Variants in ZSCAN26 observed in about 807,000 individuals in gnomAD.
ZSCAN26 encodes the protein zinc finger and SCAN domain containing 26.
In ZSCAN26, 26 loss-of-function variants were observed where a neutral mutation model predicts 23.0. That is an observed-to-expected ratio of 1.13 (90% CI 0.83 to 1.57). The LOEUF (loss-of-function observed/expected upper bound fraction) is 1.57, where lower values mean the gene tolerates loss of function less well. ZSCAN26 is among the 40% of genes most tolerant of loss of function. ZSCAN26 has a pLI of 0.00. For missense variants in ZSCAN26, 528 were observed against 568.5 expected (o/e 0.93, Z 0.72); for synonymous variants, 180 against 202.5 (o/e 0.89, Z 0.94).
intron 1 of ZSCAN26, among the ~76,000 whole-genome samples, chr6:28,269,764 A>G (rs1761607102): frequency 6.6e-6 from 1 of 152,182 alleles, no homozygotes; most frequent in African/African-American, 2.4e-5. Context: ...GCCCACCAAC[A>G]TTATGGAGGG....
At chr6:28,267,717 T>C (rs1034567789) in intron 1 of ZSCAN26, among the ~76,000 whole-genome samples, 3 of 152,100 alleles carry the variant, frequency 2.0e-5, no homozygotes, top group African/African-American at 7.2e-5. Flanking sequence ...ATGAGAACTG[T>C]ATCGTGTAAG....
At chr6:28,268,777 A>T (rs1761554151) in intron 1 of ZSCAN26, among the ~76,000 whole-genome samples, 1 of 152,164 alleles carries the variant, frequency 6.6e-6, no homozygotes, top group Admixed American at 6.5e-5. Context: ...ATTGTGTTTG[A>T]TATATTTAAT....
intron 3 of ZSCAN26, 54 bp downstream of exon 3, chr6:28,272,841 C>G: frequency 2.0e-6 from 3 of 1,471,026 alleles, no homozygotes; most frequent in South Asian, 2.4e-5. Context: ...TGTGCCTTTC[C>G]CTCTGAGGTT....
chr6:28,270,258 A>C (rs1383262455), intron 1 of ZSCAN26, among the ~76,000 whole-genome samples: 1 of 152,218 alleles, frequency 6.6e-6, no homozygotes, highest in Non-Finnish European at 1.5e-5. Flanking sequence ...GGGAAATGTT[A>C]ACTATATACA....
intron 1 of ZSCAN26, 86 bp downstream of exon 1, chr6:28,267,299 G>A (rs897621980): frequency 1.3e-5 from 2 of 152,488 alleles, no homozygotes; most frequent in South Asian, 4.1e-4. Context: ...GGCGGGTGCA[G>A]AGAATCTTCC....
chr6:28,278,093 A>G lies in ZSCAN26; in HGVS notation c.*997A>G, dbSNP rs1762023273. 6.6e-6 allele frequency: 1 copy of G among 152,230 alleles called. No individual in the cohort carries two copies. The highest frequency in any genetic ancestry group is 2.4e-5 in the African/African-American group (1 of 41,460). The allele number at this position is 152,230 out of a possible 1,614,324, so 9.4% of individuals were successfully genotyped here. On this transcript the variant is annotated 3_prime_UTR_variant, in exon 4 of 4. Coordinates refer to ENST00000421553, the MANE Select transcript of ZSCAN26 (RefSeq NM_001023560.4). ...TATTAAAATTAGGGGCGTCCACTCC[A>G]AAACATATCACCAGAGTGACAACTT...
chr6:28,267,814 T>C (rs759620107), intron 1 of ZSCAN26, among the ~76,000 whole-genome samples: 26 of 152,186 alleles, frequency 1.7e-4, no homozygotes, highest in Non-Finnish European at 3.2e-4. Context: ...GCTTCTTTAC[T>C]TGGAGACTCA....
intron 1 of ZSCAN26, among the ~76,000 whole-genome samples, chr6:28,270,089 G>A (rs1326004723): frequency 1.3e-5 from 2 of 152,074 alleles, no homozygotes; most frequent in African/African-American, 2.4e-5. Flanking sequence ...GACTACAGGC[G>A]TGTGCCACCA....
intron 1 of ZSCAN26, among the ~76,000 whole-genome samples, chr6:28,271,568 G>A (rs1761685402): frequency 6.6e-6 from 1 of 152,156 alleles, no homozygotes; most frequent in Non-Finnish European, 1.5e-5. Flanking sequence ...GGCTTAAGCA[G>A]TCTTCCCACC....
At chr6:28,272,406 TG>T in intron 2 of ZSCAN26, 67 bp downstream of exon 2, 1 of 1,435,864 alleles carries the variant, frequency 7.0e-7, no homozygotes, top group Middle Eastern at 1.8e-4. Flanking sequence ...CAGGTGGACA[TG>T]GGCTCATCAG....
chr6:28,276,413 A>G lies in ZSCAN26; in HGVS notation c.757A>G (p.Thr253Ala). The change falls in exon 4 of 4, where the codon ACA (threonine) becomes GCA (alanine). Residue 253 changes from threonine to alanine, a missense_variant. Thr to Ala is a moderately conservative substitution (Grantham distance 58, BLOSUM62 0). Transcript: ENST00000421553. ...QHLDLIEHAS[T>A]HTGKKLCESD... Reference sequence around the variant, plus strand: ...CTTGGACCTGATTGAACATGCGAGTACACACACGGGAAAGAAACTCTGCGA... The same window carrying G: ...CTTGGACCTGATTGAACATGCGAGTGCACACACGGGAAAGAAACTCTGCGA... 1.9e-6 allele frequency: 3 copies of G among 1,614,016 alleles called. No homozygotes were observed. The highest frequency in any genetic ancestry group is 1.7e-6 in the Non-Finnish European group (2 of 1,179,876).
At chr6:28,275,610 C>T (rs1023526663) in intron 3 of ZSCAN26, among the ~76,000 whole-genome samples, 5 of 152,164 alleles carry the variant, frequency 3.3e-5, no homozygotes, top group Non-Finnish European at 7.3e-5. Flanking sequence ...GCAGTTACTG[C>T]TGTCCAAGGA....
chr6:28,275,461 C>G (rs976614276), intron 3 of ZSCAN26, among the ~76,000 whole-genome samples: 24 of 152,180 alleles, frequency 1.6e-4, no homozygotes, highest in African/African-American at 5.5e-4. Context: ...GTACCAGGCT[C>G]TGTGCTAGAG....
Position 28,272,309 on chromosome 6 carries a change from G to C in ZSCAN26, c.390G>C (p.Gln130His). ...TGGTTGTTGTTCTGGAGGATTTGCA[G>C]CTGGATCTTGGAGAAACAGGACAAC... The part of the protein sequence containing the change: ...EDVVVVLEDL[Q>H]LDLGETGQQV... Residue 130 changes from glutamine (Q) to histidine (H), a missense_variant, in exon 2 of 4, where the codon CAG becomes CAC. By Grantham distance (24) the Gln-to-His change is conservative. Coordinates refer to ENST00000421553, the MANE Select transcript of ZSCAN26 (RefSeq NM_001023560.4). 6.4e-7 allele frequency: 1 copy of C among 1,561,868 alleles called. No individual in the cohort carries two copies. The highest frequency in any genetic ancestry group is 8.7e-7 in the Non-Finnish European group (1 of 1,152,872).
chr6:28,272,849 G>A lies in ZSCAN26; in HGVS notation c.538+62G>A, dbSNP rs190329846. 38 of 1,394,200 alleles carry A rather than the reference G, an allele frequency of 2.7e-5. No homozygotes were observed. In the African/African-American group the frequency reaches 4.1e-4, roughly 15 times the overall value. 86.4% of individuals were successfully genotyped at this position (1,394,200 alleles called of 1,614,324 possible). A position where few individuals can be genotyped will look rare whatever the true frequency, so the allele number is the denominator to read the frequency against. ...GGTGGACTGTGCCTTTCCCTCTGAG[G>A]TTGTGCTTAGCACCCTTGTATTTTG... On this transcript the variant is annotated intron_variant, in intron 3 of 3. Transcript: ENST00000421553.
rs529490995 is a variant in ZSCAN26, at chr6:28,270,740, A to T, written c.-66-1114A>T. Among the ~76,000 whole-genome samples, 13 of 152,056 alleles carry T rather than the reference A, an allele frequency of 8.5e-5. No individual in the cohort carries two copies. The South Asian group carries it at 2.3e-3, about 27-fold the overall frequency. ...TTTTTGAAATTTGTCATTTATGCTC[A>T]CTCTCCATTTTCTCATTTCCTATGG... On this transcript the variant is annotated intron_variant, in intron 1 of 3. Transcript: ENST00000421553.
Position 28,276,963 on chromosome 6 carries a change from C to T in ZSCAN26, c.1307C>T (p.Ser436Leu). ...TGCCAGAAAGCCTTCCGACTAAACT[C>T]ACACCTTGCTCAGCATGTAAGAATC... ...NICQKAFRLNSHLAQHVRIHN... is the reference protein window; with the variant it reads ...NICQKAFRLNLHLAQHVRIHN... Residue 436 changes from serine to leucine, a missense_variant, in exon 4 of 4, where the codon TCA becomes TTA. Physicochemically the swap from Ser to Leu is moderately radical, Grantham distance 145. Transcript: ENST00000421553. 6.2e-7 allele frequency: 1 copy of T among 1,614,004 alleles called. No homozygotes were observed. Among genetic ancestry groups the T allele is most frequent in the Non-Finnish European group, 8.5e-7 (1 of 1,179,876 alleles).
At position 28,276,780 on chromosome 6, in the gene ZSCAN26, C is replaced by G. The variant is rs1361968542; in HGVS notation, c.1124C>G (p.Thr375Ser). The change falls in exon 4 of 4, where the codon ACC becomes AGC. Residue 375 changes from threonine to serine, a missense_variant. Thr to Ser is a moderately conservative substitution (Grantham distance 58). Transcript: ENST00000421553. ...EPCECKECGK[T>S]FSQALLLTHH... ...TGTGAGTGCAAGGAGTGTGGAAAAA[C>G]CTTTAGTCAGGCCTTACTCCTCACC... 1 of 1,613,910 alleles carries G rather than the reference C, an allele frequency of 6.2e-7. No individual in the cohort carries two copies.
At chr6:28,271,273 C>T (rs1761670686) in intron 1 of ZSCAN26, among the ~76,000 whole-genome samples, 1 of 152,254 alleles carries the variant, frequency 6.6e-6, no homozygotes, top group Admixed American at 6.5e-5. Context: ...CTAACTACTA[C>T]ACTGAACATC....
Sources: allele counts gnomAD v4.1 joint callset (sites outside exome capture counted in the v4.1 genomes callset), GRCh38; gene constraint gnomAD v4.1.1; transcripts MANE v1.5; gene names NCBI Gene and HGNC (gene_info 2026-07-23, HGNC 2026-07-21).